ZNF248: variants seen among roughly 807,000 people sequenced by gnomAD.
ZNF248 encodes the protein KRAB protein domain.
ZNF248 carries 20 observed loss-of-function variants against 44.3 expected under a neutral mutation model. The ratio of observed to expected loss-of-function variants is 0.45; its 90% CI spans 0.32 to 0.66. ZNF248 has a LOEUF of 0.66. Among genes scored for constraint, ZNF248 ranks in the 30% least tolerant of loss-of-function variants. The pLI, the probability that ZNF248 is intolerant of heterozygous loss-of-function variation, is 0.04. For missense variants in ZNF248, 654 were observed against 677.0 expected, an observed-to-expected ratio of 0.97 and a Z score of 0.38; for synonymous variants, 224 against 229.0, an observed-to-expected ratio of 0.98 and a Z score of 0.20.
chr10:37,846,938 T>C (rs962491372), intron 3 of ZNF248, among the ~76,000 whole-genome samples: 2 of 152,242 alleles, frequency 1.3e-5, no homozygotes, highest in African/African-American at 4.8e-5. Context: ...TGAATTCTGA[T>C]TTAACAAATG....
intron 3 of ZNF248, among the ~76,000 whole-genome samples, chr10:37,850,549 T>C (rs1012371997): frequency 4.6e-5 from 7 of 152,188 alleles, no homozygotes; most frequent in African/African-American, 1.7e-4. Flanking sequence ...AACCTTACTA[T>C]ATGGTTACAG....
downstream of ZNF248, among the ~76,000 whole-genome samples, chr10:37,825,689 C>T (rs916090908): frequency 2.0e-5 from 3 of 152,168 alleles, no homozygotes; most frequent in East Asian, 3.9e-4. Flanking sequence ...ATTCTTCCCA[C>T]GTCGGCCTCC....
At chr10:37,820,645 G>T (rs1148277) in intron 6 of ZNF248, 74 of 1,515,248 alleles carry the variant, frequency 4.9e-5, no homozygotes, top group Non-Finnish European at 6.5e-5. Flanking sequence ...CATGTGGTTC[G>T]GCTTTTCTTT....
At chr10:37,797,128 A>C (rs1263054635) in intron 6 of ZNF248, among the ~76,000 whole-genome samples, 1 of 152,200 alleles carries the variant, frequency 6.6e-6, no homozygotes, top group East Asian at 1.9e-4. Flanking sequence ...AAACTTGTCT[A>C]AAGACATACA....
intron 3 of ZNF248, among the ~76,000 whole-genome samples, chr10:37,844,952 C>CCTTCCCCTTTCCTTT (rs2059035891): frequency 7.3e-6 from 1 of 136,808 alleles, no homozygotes; most frequent in Non-Finnish European, 1.6e-5. Context: ...CCCTTCCCTC[C>CCTTCCCCTTTCCTTT]CCCCTTCCTT....
chr10:37,775,443 C>G (rs954453115), downstream of ZNF248: 1 of 152,070 alleles, frequency 6.6e-6, no homozygotes, highest in African/African-American at 2.4e-5. Context: ...CGAGATCTGG[C>G]CTGCTACGGA....
rs200610611 is a variant in ZNF248, at chr10:37,832,719, T to C, written c.636A>G (p.Gln212=). The C allele has an allele frequency of 8.9e-5, 144 of 1,613,502 alleles. No individual in the cohort carries two copies. Among genetic ancestry groups the C allele is most frequent in the Admixed American group, 5.0e-5 (3 of 59,946 alleles). ...HQDLSQPSFG[Q]SFEYSKNGQG... Reference sequence around the variant, plus strand: ...GTCCATTTTTACTATACTCAAAAGATTGGCCAAAACTTGGCTGACTGAGAT... The same window carrying C: ...GTCCATTTTTACTATACTCAAAAGACTGGCCAAAACTTGGCTGACTGAGAT... The change falls in exon 6 of 6, where the codon CAA becomes CAG. Residue 212 remains glutamine (Q), a synonymous_variant. Coordinates refer to ENST00000395867, the MANE Select transcript of ZNF248 (RefSeq NM_021045.3).
intron 6 of ZNF248, chr10:37,791,791 C>G (rs929593806): frequency 6.6e-4 from 100 of 152,320 alleles, no homozygotes; most frequent in African/African-American, 2.2e-3. Flanking sequence ...AGAGCTCTCT[C>G]AAGCAGTCTC....
At chr10:37,799,295 C>A (rs1455290473) in intron 6 of ZNF248, among the ~76,000 whole-genome samples, 1 of 151,870 alleles carries the variant, frequency 6.6e-6, no homozygotes, top group Non-Finnish European at 1.5e-5. Context: ...AAATGTGTAT[C>A]CAAAATTGGA....
At chr10:37,773,251 A>AAAT (rs932863538), downstream of ZNF248, among the ~76,000 whole-genome samples, 14 of 152,268 alleles carry the variant, frequency 9.2e-5, 1 homozygote, top group South Asian at 4.1e-4. Context: ...TCTAAAAAAT[A>AAAT]AATAATAATA....
At chr10:37,763,557 G>T in the ZNF248 span, among the ~76,000 whole-genome samples, 1 of 152,194 alleles carries the variant, frequency 6.6e-6, no homozygotes, top group Non-Finnish European at 1.5e-5. Flanking sequence ...TCACATAAAA[G>T]ACTGTATTAA....
Position 37,832,986 on chromosome 10 carries a change from G to T in ZNF248, c.369C>A (p.Phe123Leu). The stretch of plus-strand genomic sequence containing the variant: ...AAGAAACAGGGTCTGTGCCCAAATT[G>T]AAAGTTTTGCTTCCTCTATCTCCAT... Reference protein sequence around the residue: ...VENGDRGSKTFNLGTDPVSLR... With the variant: ...VENGDRGSKTLNLGTDPVSLR... The change falls in exon 6 of 6, where the codon TTC (phenylalanine) becomes TTA (leucine). Residue 123 changes from phenylalanine to leucine, a missense_variant. Coordinates refer to ENST00000395867, the MANE Select transcript of ZNF248 (RefSeq NM_021045.3). The T allele has an allele frequency of 6.2e-7, 1 of 1,613,702 alleles. No homozygotes were observed. The highest frequency in any genetic ancestry group is 8.5e-7 in the Non-Finnish European group (1 of 1,179,784).
chr10:37,774,295 G>A (rs1451318195), downstream of ZNF248, among the ~76,000 whole-genome samples: 1 of 152,082 alleles, frequency 6.6e-6, no homozygotes, highest in African/African-American at 2.4e-5. Context: ...GCAGTCACAG[G>A]AAATTAATAC....
intron 6 of ZNF248, among the ~76,000 whole-genome samples, chr10:37,791,009 CTA>C (rs919316631): frequency 2.1e-5 from 2 of 96,200 alleles, no homozygotes; most frequent in Non-Finnish European, 2.2e-5. Flanking sequence ...GAAAAATGGT[CTA>C]TGTTTTTGTT....
intron 3 of ZNF248, among the ~76,000 whole-genome samples, chr10:37,845,286 G>A (rs928063173): frequency 6.6e-6 from 1 of 151,758 alleles, no homozygotes; most frequent in African/African-American, 2.4e-5. Flanking sequence ...CCAAAGTGCT[G>A]GGATTACGGG....
Position 37,823,736 on chromosome 10 carries a change from G to C in ZNF248, c.330+9289C>G, listed in dbSNP as rs191054678. 2.9e-3 allele frequency among the ~76,000 whole-genome samples: 435 copies of C among 152,008 alleles called. 2 individuals carry two copies. Among genetic ancestry groups the C allele is most frequent in the African/African-American group, 9.9e-3 (412 of 41,454 alleles). ...CTACAGGCACATGCCACCATGCCTG[G>C]CTAATTTTTGTATTTTTAGTAGAGA... On this transcript the variant is annotated intron_variant, in intron 6 of 6. Coordinates refer to the ZNF248 transcript ENST00000615949.
At chr10:37,764,854 C>T in the ZNF248 span, among the ~76,000 whole-genome samples, 1 of 152,106 alleles carries the variant, frequency 6.6e-6, no homozygotes, top group Non-Finnish European at 1.5e-5. Flanking sequence ...TAAAAATACC[C>T]AGTTAATTTT....
rs1409141929 is a variant in ZNF248, at chr10:37,851,109, A to G, written c.15+5187T>C. Among the ~76,000 whole-genome samples, 3 of 152,182 alleles carry G rather than the reference A, an allele frequency of 2.0e-5. No homozygotes were observed. In the East Asian group the frequency reaches 5.8e-4, roughly 29 times the overall value. On this transcript the variant is annotated intron_variant, in intron 3 of 5. Coordinates refer to ENST00000395867, the MANE Select transcript of ZNF248 (RefSeq NM_021045.3). ...AAACTCAATACATTAAAAAAAATCC[A>G]ATTCTAAAATAGTAATGTGGGAGAC...
At chr10:37,771,234 A>G in the ZNF248 span, among the ~76,000 whole-genome samples, 1 of 152,198 alleles carries the variant, frequency 6.6e-6, no homozygotes, top group African/African-American at 2.4e-5. Context: ...GGGATCTAGA[A>G]CTAGAAATAC....
Sources: allele counts gnomAD v4.1 joint callset (sites outside exome capture counted in the v4.1 genomes callset), GRCh38; gene constraint gnomAD v4.1.1; transcripts MANE v1.5; gene names NCBI Gene and HGNC (gene_info 2026-07-23, HGNC 2026-07-21).